NAA11: variants seen among roughly 807,000 people sequenced by gnomAD.
The protein encoded by NAA11 is N-alpha-acetyltransferase 11.
NAA11 carries 15 observed loss-of-function variants against 16.1 expected under a neutral mutation model. The observed-to-expected ratio is 0.93, with a 90% CI of 0.62 to 1.44. NAA11 has a LOEUF of 1.44. Ranked by LOEUF, NAA11 falls within the 40% of genes most tolerant of loss-of-function variation. The pLI is 0.00. For missense variants in NAA11, 298 were observed against 291.3 expected, an observed-to-expected ratio of 1.02 and a Z score of -0.17; for synonymous variants, 122 against 112.4, an observed-to-expected ratio of 1.09 and a Z score of -0.54.
At chr4:79,256,652 A>AATATATATATATATATATATATATATT (rs1491290215) in intron 2 of NAA11, among the ~76,000 whole-genome samples, 26 of 27,414 alleles carry the variant, frequency 9.5e-4, no homozygotes, top group African/African-American at 1.7e-3. Flanking sequence ...ATAAATATAA[A>AATATATATATATATATATATATATATT]TATATATATA....
downstream of NAA11, among the ~76,000 whole-genome samples, chr4:79,316,270 GAATAA>G (rs1234587582): frequency 6.6e-6 from 1 of 151,784 alleles, no homozygotes; most frequent in Non-Finnish European, 1.5e-5. Context: ...TGAGAGGAAA[GAATAA>G]AATAATTTAG....
the NAA11 span, among the ~76,000 whole-genome samples, chr4:79,201,799 T>G: frequency 6.6e-6 from 1 of 151,710 alleles, no homozygotes; most frequent in African/African-American, 2.4e-5. Context: ...TTAAAGCAAA[T>G]AGCTATTGAG....
the NAA11 span, among the ~76,000 whole-genome samples, chr4:79,198,387 T>C: frequency 6.6e-6 from 1 of 151,984 alleles, no homozygotes; most frequent in African/African-American, 2.4e-5. Context: ...ACTTGGATTG[T>C]TAAGTGGTCT....
At chr4:79,157,652 G>C in the NAA11 span, among the ~76,000 whole-genome samples, 1 of 151,030 alleles carries the variant, frequency 6.6e-6, no homozygotes, top group Non-Finnish European at 1.5e-5. Context: ...CACCAAAATT[G>C]GCATAAAAGG....
At chr4:79,258,627 A>G (rs1186795611) in intron 2 of NAA11, among the ~76,000 whole-genome samples, 1 of 152,136 alleles carries the variant, frequency 6.6e-6, no homozygotes, top group African/African-American at 2.4e-5. Context: ...CTTGGCACCT[A>G]TAGCCTGGGG....
At chr4:79,222,173 G>A (rs1399420854), downstream of NAA11, among the ~76,000 whole-genome samples, 61 of 152,230 alleles carry the variant, frequency 4.0e-4, no homozygotes, top group African/African-American at 1.4e-3. Flanking sequence ...AGAGGTGTTT[G>A]TAGTATTCTC....
chr4:79,321,754 C>T (rs1475365139), intron 1 of NAA11, among the ~76,000 whole-genome samples: 1 of 152,072 alleles, frequency 6.6e-6, no homozygotes, highest in East Asian at 1.9e-4. Flanking sequence ...CTAAAATTTA[C>T]TTTGAAATAA....
At chr4:79,245,198 C>A in intron 2 of NAA11, 1 of 159,532 alleles carries the variant, frequency 6.3e-6, no homozygotes, top group Non-Finnish European at 1.3e-5. Flanking sequence ...TCTGCCTGGC[C>A]GCCCATCATC....
chr4:79,274,714 G>A (rs1027438846), intron 2 of NAA11, among the ~76,000 whole-genome samples: 2 of 151,986 alleles, frequency 1.3e-5, no homozygotes, highest in African/African-American at 4.8e-5. Flanking sequence ...TGCATGGCAT[G>A]TAAAAAGTAC....
the NAA11 span, among the ~76,000 whole-genome samples, chr4:79,194,287 T>G: frequency 6.6e-6 from 1 of 152,196 alleles, no homozygotes; most frequent in African/African-American, 2.4e-5. Flanking sequence ...ATATTGATTA[T>G]TCCTTTGCAT....
downstream of NAA11, among the ~76,000 whole-genome samples, chr4:79,222,732 CA>C (rs1470286013): frequency 1.3e-5 from 2 of 149,948 alleles, no homozygotes; most frequent in Non-Finnish European, 3.0e-5. Flanking sequence ...AGAAAATTTT[CA>C]CAACCTACTC....
intron 2 of NAA11, among the ~76,000 whole-genome samples, chr4:79,273,578 T>C (rs997044367): frequency 2.0e-5 from 3 of 151,992 alleles, no homozygotes; most frequent in Non-Finnish European, 2.9e-5. Context: ...ATATCTATAA[T>C]GTGTTTTAAT....
chr4:79,176,976 G>A, the NAA11 span, among the ~76,000 whole-genome samples: 3 of 152,012 alleles, frequency 2.0e-5, no homozygotes, highest in East Asian at 1.9e-4. Flanking sequence ...TTGGGGGAGT[G>A]GAGCTTCCTA....
At chr4:79,299,551 G>T (rs1274782930) in intron 1 of NAA11, 1 of 152,070 alleles carries the variant, frequency 6.6e-6, no homozygotes, top group Non-Finnish European at 1.5e-5. Flanking sequence ...ATTAAAAAAG[G>T]TTTTTTATAT....
chr4:79,275,183 C>A (rs1217627813), intron 2 of NAA11, among the ~76,000 whole-genome samples: 1 of 150,242 alleles, frequency 6.7e-6, no homozygotes, highest in Non-Finnish European at 1.5e-5. Flanking sequence ...TCCTATATTT[C>A]TTCTTTCTGA....
At chr4:79,303,245 T>C (rs1578188364) in intron 1 of NAA11, among the ~76,000 whole-genome samples, 2 of 151,732 alleles carry the variant, frequency 1.3e-5, no homozygotes, top group South Asian at 4.2e-4. Flanking sequence ...TGAAAATCTT[T>C]GCAAAGACAC....
intron 2 of NAA11, among the ~76,000 whole-genome samples, chr4:79,228,157 A>G (rs937645817): frequency 3.3e-5 from 5 of 151,964 alleles, no homozygotes; most frequent in Admixed American, 3.3e-4. Flanking sequence ...GAACATTCTC[A>G]TAAGGTCATT....
downstream of NAA11, among the ~76,000 whole-genome samples, chr4:79,315,750 A>G (rs1723909583): frequency 6.6e-6 from 1 of 152,008 alleles, no homozygotes; most frequent in Non-Finnish European, 1.5e-5. Context: ...GGTGCCACAG[A>G]CTCTCACAAT....
chr4:79,241,522 T>C (rs1299346919), intron 2 of NAA11, among the ~76,000 whole-genome samples: 2 of 152,230 alleles, frequency 1.3e-5, no homozygotes, highest in African/African-American at 4.8e-5. Flanking sequence ...CATATATGCT[T>C]TTTGTTTCTA....
Sources: gnomAD v4.1 joint callset for allele counts (sites outside exome capture counted in the v4.1 genomes callset) on GRCh38, gnomAD v4.1.1 for gene constraint, MANE v1.5 for transcripts, NCBI Gene and HGNC (gene_info 2026-07-23, HGNC 2026-07-21) for gene names.